The following ANKMY2 variants were observed in gnomAD, a reference collection of about 807,000 sequenced individuals.
ANKMY2 encodes ankyrin repeat and MYND domain containing 2, also known as ankyrin repeat and MYND domain-containing protein 2.
In ANKMY2, 36 loss-of-function variants were observed where a neutral mutation model predicts 50.4. The observed-to-expected ratio is 0.71, with a 90% CI of 0.55 to 0.94. The LOEUF is 0.94. Ranked by LOEUF, ANKMY2 falls within the 40% of genes least tolerant of loss-of-function variation. The pLI is 0.00. For synonymous variants in ANKMY2, 187 were observed against 178.8 expected (o/e 1.05, Z -0.36); for missense variants, 565 against 524.0 (o/e 1.08, Z -0.76).
intron 4 of ANKMY2, among the ~76,000 whole-genome samples, chr7:16,623,091 G>A (rs1781463168): frequency 6.6e-6 from 1 of 152,118 alleles, no homozygotes; most frequent in South Asian, 2.1e-4. Context: ...AAGAAAACAA[G>A]CTACAAGGAA....
rs774880964 is a variant in ANKMY2, at chr7:16,604,711, C to G, written c.1011+10G>C. The G allele has an allele frequency of 6.2e-7, 1 of 1,612,788 alleles. No individual in the cohort carries two copies. Among genetic ancestry groups the G allele is most frequent in the South Asian group, 1.1e-5 (1 of 90,888 alleles). ...AGAGGTCAATGAAATAAAAAGAACTCCATTCTTACCATTTTGCAAACTGAA... is the reference window on the plus strand; with the variant it reads ...AGAGGTCAATGAAATAAAAAGAACTGCATTCTTACCATTTTGCAAACTGAA... On this transcript the variant is annotated intron_variant, in intron 8 of 9. Transcript: ENST00000306999.
intron 4 of ANKMY2, among the ~76,000 whole-genome samples, chr7:16,624,630 G>C (rs1781483714): frequency 6.6e-6 from 1 of 152,038 alleles, no homozygotes; most frequent in African/African-American, 2.4e-5. Flanking sequence ...TAAGTACTTT[G>C]CTATCACGTG....
At chr7:16,607,409 T>C (rs1781178137) in intron 7 of ANKMY2, among the ~76,000 whole-genome samples, 1 of 151,894 alleles carries the variant, frequency 6.6e-6, no homozygotes, top group South Asian at 2.1e-4. Context: ...TTACTAAAAA[T>C]GCAGAAACAT....
At chr7:16,631,175 A>G in intron 2 of ANKMY2, among the ~76,000 whole-genome samples, 1 of 151,054 alleles carries the variant, frequency 6.6e-6, no homozygotes, top group Non-Finnish European at 1.5e-5. Context: ...TGGTGATCCT[A>G]TTTGTTTCTC....
At chr7:16,628,341 T>C (rs1302708942) in intron 2 of ANKMY2, among the ~76,000 whole-genome samples, 1 of 152,216 alleles carries the variant, frequency 6.6e-6, no homozygotes, top group Non-Finnish European at 1.5e-5. Context: ...TTCAGAGGGT[T>C]GTGGAGACGA....
At position 16,610,593 on chromosome 7, in the gene ANKMY2, G is replaced by A; in HGVS notation, c.702C>T (p.Asn234=). 6.2e-7 allele frequency: 1 copy of A among 1,613,882 alleles called. No individual in the cohort carries two copies. Among genetic ancestry groups the A allele is most frequent in the Non-Finnish European group, 8.5e-7 (1 of 1,179,874 alleles). Residue 234 remains asparagine, a synonymous_variant, in exon 6 of 10, where the codon AAC becomes AAT. Coordinates refer to ENST00000306999, the MANE Select transcript of ANKMY2 (RefSeq NM_020319.3). ...GTTTATTCTCTCCATCTTTTAAGAA[G>A]TTAATGCATTTCTGAAAGATACAGC... ...YISCIFQKCI[N]FLKDGENKLD...
intron 3 of ANKMY2, 138 bp from the exon 4 acceptor site, chr7:16,625,219 C>T (rs1781493000): frequency 5.2e-6 from 3 of 580,100 alleles, no homozygotes; most frequent in Non-Finnish European, 8.9e-6. Context: ...TCTTTTAAAA[C>T]ATGAATCCTA....
intron 1 of ANKMY2, among the ~76,000 whole-genome samples, chr7:16,638,086 T>A (rs1781692280): frequency 6.6e-6 from 1 of 152,244 alleles, no homozygotes; most frequent in Non-Finnish European, 1.5e-5. Context: ...CCTGCTTAAC[T>A]CTCACTCAAT....
chr7:16,608,390 C>T (rs548815498), intron 7 of ANKMY2, among the ~76,000 whole-genome samples: 2 of 152,278 alleles, frequency 1.3e-5, no homozygotes, highest in South Asian at 4.1e-4. Context: ...CAAATTAATG[C>T]ATGAGCTTTA....
chr7:16,626,090 C>A (rs1275159713), intron 3 of ANKMY2, among the ~76,000 whole-genome samples: 1 of 151,198 alleles, frequency 6.6e-6, no homozygotes, highest in Non-Finnish European at 1.5e-5. Context: ...CAAAAATCCT[C>A]CTGCCACAGC....
intron 2 of ANKMY2, among the ~76,000 whole-genome samples, chr7:16,634,167 ACTT>A (rs1209851827): frequency 6.6e-6 from 1 of 152,204 alleles, no homozygotes; most frequent in Non-Finnish European, 1.5e-5. Context: ...TTTAAATTTA[ACTT>A]CTAATTAATT....
At chr7:16,611,511 C>T (rs1482938445) in intron 5 of ANKMY2, among the ~76,000 whole-genome samples, 1 of 152,124 alleles carries the variant, frequency 6.6e-6, no homozygotes, top group Non-Finnish European at 1.5e-5. Flanking sequence ...AGTAGGTCTG[C>T]AAAGGACTGC....
intron 2 of ANKMY2, among the ~76,000 whole-genome samples, chr7:16,633,614 T>G (rs567496649): frequency 3.3e-5 from 5 of 152,216 alleles, no homozygotes; most frequent in Non-Finnish European, 7.4e-5. Context: ...TCTTTTCGAA[T>G]GTATTATACT....
intron 4 of ANKMY2, among the ~76,000 whole-genome samples, chr7:16,622,621 T>C (rs1489443987): frequency 6.6e-6 from 1 of 151,962 alleles, no homozygotes; most frequent in African/African-American, 2.4e-5. Context: ...ACACCTATAA[T>C]CCCAGCTAGT....
intron 4 of ANKMY2, among the ~76,000 whole-genome samples, chr7:16,617,588 GC>G (rs1187540588): frequency 6.6e-6 from 1 of 152,188 alleles, no homozygotes; most frequent in Non-Finnish European, 1.5e-5. Context: ...ACTTTCAAGA[GC>G]CGCAGAGAGA....
intron 3 of ANKMY2, among the ~76,000 whole-genome samples, chr7:16,626,721 C>T (rs187518187): frequency 5.3e-5 from 8 of 152,298 alleles, no homozygotes; most frequent in Admixed American, 2.0e-4. Context: ...AAGAAGTTTT[C>T]ATGTCACTTG....
chr7:16,607,193 T>C (rs1468117994), intron 7 of ANKMY2, among the ~76,000 whole-genome samples: 2 of 152,250 alleles, frequency 1.3e-5, no homozygotes, highest in African/African-American at 4.8e-5. Flanking sequence ...GAAAAGTCTT[T>C]CTAAAATGCA....
At chr7:16,645,257 G>T (rs1046700238) in intron 1 of ANKMY2, among the ~76,000 whole-genome samples, 2 of 152,284 alleles carry the variant, frequency 1.3e-5, no homozygotes, top group East Asian at 1.9e-4. Flanking sequence ...AAATCCGTAC[G>T]TTTCCAAAAG....
chr7:16,610,781 G>A lies in ANKMY2; in HGVS notation c.532-18C>T, dbSNP rs1781237618. 3 of 1,606,832 alleles carry A rather than the reference G, an allele frequency of 1.9e-6. No individual in the cohort carries two copies. Among genetic ancestry groups the A allele is most frequent in the Non-Finnish European group, 2.6e-6 (3 of 1,175,242 alleles). ...ATCACGATCTAGAGGAAATCCCAGT[G>A]TACTCAGGTATTAAAGGAGACACTT... is the stretch of plus-strand genomic sequence containing the variant. On this transcript the variant is annotated intron_variant, in intron 5 of 9. Transcript: ENST00000306999.
Sources: gnomAD v4.1 joint callset for allele counts (sites outside exome capture counted in the v4.1 genomes callset) on GRCh38, gnomAD v4.1.1 for gene constraint, MANE v1.5 for transcripts, NCBI Gene and HGNC (gene_info 2026-07-23, HGNC 2026-07-21) for gene names.